PRSS12: variants seen among roughly 807,000 people sequenced by gnomAD.
The protein encoded by PRSS12 is neurotrypsin.
A neutral mutation model predicts 104.4 loss-of-function variants in PRSS12; 85 were observed. The ratio of observed to expected loss-of-function variants is 0.81; its 90% CI spans 0.68 to 0.98. The LOEUF is 0.98. Ranked by LOEUF, PRSS12 falls within the 50% of genes least tolerant of loss-of-function variation. PRSS12 has a pLI of 0.00. For missense variants in PRSS12, 1,141 were observed against 1,139.2 expected, an observed-to-expected ratio of 1.00 and a Z score of -0.02; for synonymous variants, 454 against 425.2, an observed-to-expected ratio of 1.07 and a Z score of -0.83.
Position 118,352,517 on chromosome 4 carries a change from G to T in PRSS12, c.204C>A (p.Pro68=). The change falls in exon 1 of 13, where the codon CCC becomes CCA. Residue 68 remains proline (P), a synonymous_variant. Coordinates refer to ENST00000296498, the MANE Select transcript of PRSS12 (RefSeq NM_003619.4). ...PPPPLPRFPR[P]PRALPAQRPH... is the part of the protein sequence containing the mutation. ...GGCGCTGGGCAGGGAGCGCCCGCGG[G>T]GGGCGCGGGAAGCGCGGGAGAGGCG... 3 of 1,458,506 alleles carry T rather than the reference G, an allele frequency of 2.1e-6. No individual in the cohort carries two copies. The highest frequency in any genetic ancestry group is 1.8e-6 in the Non-Finnish European group (2 of 1,101,910). The allele number at this position is 1,458,506 out of a possible 1,614,324, so 90.3% of individuals were successfully genotyped here. A position where few individuals can be genotyped will look rare whatever the true frequency, so the allele number is the denominator to read the frequency against.
At chr4:118,317,674 A>G (rs1003909816) in intron 5 of PRSS12, among the ~76,000 whole-genome samples, 1 of 152,222 alleles carries the variant, frequency 6.6e-6, no homozygotes, top group Non-Finnish European at 1.5e-5. Context: ...AAGTATGTGA[A>G]GAGAATGATA....
Position 118,352,495 on chromosome 4 carries a change from G to A in PRSS12, c.226C>T (p.Arg76Cys). 7.2e-7 allele frequency: 1 copy of A among 1,381,644 alleles called. No homozygotes were observed. Among genetic ancestry groups the A allele is most frequent in the South Asian group, 1.7e-5 (1 of 57,576 alleles). 85.6% of individuals were successfully genotyped at this position (1,381,644 alleles called of 1,614,324 possible). ...TGCCCGGCCTGGAGGGCGTGCGGGC[G>A]CTGGGCAGGGAGCGCCCGCGGGGGG... ...PRPPRALPAQ[R>C]PHALQAGHTP... Residue 76 changes from arginine to cysteine, a missense_variant, in exon 1 of 13, where the codon CGC becomes TGC. Arg to Cys is a radical substitution (Grantham distance 180). Transcript: ENST00000296498.
chr4:118,285,950 G>C (rs1050905696), intron 11 of PRSS12, among the ~76,000 whole-genome samples: 1 of 151,952 alleles, frequency 6.6e-6, no homozygotes, highest in Non-Finnish European at 1.5e-5. Flanking sequence ...AATCTATTCC[G>C]CATTATCTAT....
intron 6 of PRSS12, among the ~76,000 whole-genome samples, chr4:118,315,326 A>G (rs1304015031): frequency 1.3e-5 from 2 of 152,098 alleles, no homozygotes; most frequent in Non-Finnish European, 2.9e-5. Flanking sequence ...GGAGTTTTTT[A>G]TTTTCATCAT....
chr4:118,310,881 T>C (rs1323634063), intron 7 of PRSS12, among the ~76,000 whole-genome samples: 1 of 152,122 alleles, frequency 6.6e-6, no homozygotes, highest in Non-Finnish European at 1.5e-5. Flanking sequence ...CAAAACTCCA[T>C]CTGTACTAAA....
chr4:118,340,170 T>C (rs559949483), intron 1 of PRSS12, among the ~76,000 whole-genome samples: 13 of 152,282 alleles, frequency 8.5e-5, no homozygotes, highest in Admixed American at 7.2e-4. Context: ...AACAATATAA[T>C]AGCAATGATA....
rs145947952 is a variant in PRSS12 at position 118,348,500 on chromosome 4, C to A, written c.502+3719G>T. Among the ~76,000 whole-genome samples, 276 of 152,282 alleles carry A rather than the reference C, an allele frequency of 1.8e-3. 1 individual carries two copies. In the Middle Eastern group the frequency reaches 0.02, roughly 11 times the overall value. On this transcript the variant is annotated intron_variant, in intron 1 of 12. Coordinates refer to ENST00000296498, the MANE Select transcript of PRSS12 (RefSeq NM_003619.4). ...TCACTTTGACTGCTCAATAGAAATGCATGTTCCATTCCTGATCCAGAACTG... is the reference window on the plus strand; with the variant it reads ...TCACTTTGACTGCTCAATAGAAATGAATGTTCCATTCCTGATCCAGAACTG...
In PRSS12 at chr4:118,283,032, T is replaced by C. The variant is rs754624987; in HGVS notation, c.2119A>G (p.Ile707Val). The change falls in exon 12 of 13, where the codon ATT (isoleucine) becomes GTT (valine). Residue 707 changes from isoleucine (I) to valine (V), a missense_variant. Ile to Val is a conservative substitution (Grantham distance 29, BLOSUM62 3). Transcript: ENST00000296498. ...TGAATCACAATCTGTTGAACTCCAA[T>C]TTCTTCCTCAAACTCCTCTGGTACC... ...TLVPEEFEEE[I>V]GVQQIVIHRE... The C allele has an allele frequency of 9.3e-6, 15 of 1,614,036 alleles. No homozygotes were observed. The highest frequency in any genetic ancestry group is 1.2e-5 in the Non-Finnish European group (14 of 1,180,030).
intron 9 of PRSS12, 35 bp from the exon 10 acceptor site, chr4:118,295,891 CA>C: frequency 6.4e-7 from 1 of 1,560,154 alleles, no homozygotes; most frequent in Non-Finnish European, 8.8e-7. Context: ...TAAACTATCA[CA>C]TTGCTGACAG....
At chr4:118,311,617 A>G (rs1237341579) in intron 7 of PRSS12, among the ~76,000 whole-genome samples, 1 of 152,192 alleles carries the variant, frequency 6.6e-6, no homozygotes, top group Non-Finnish European at 1.5e-5. Flanking sequence ...CTCAGATATA[A>G]TGTTCTTCAG....
intron 4 of PRSS12, among the ~76,000 whole-genome samples, chr4:118,320,702 G>A (rs560622256): frequency 1.6e-4 from 24 of 152,182 alleles, no homozygotes; most frequent in Non-Finnish European, 1.6e-4. Context: ...GCAATGACCC[G>A]TGATCATGCC....
intron 8 of PRSS12, among the ~76,000 whole-genome samples, chr4:118,300,665 A>C (rs1040352374): frequency 6.6e-6 from 1 of 152,184 alleles, no homozygotes; most frequent in East Asian, 1.9e-4. Context: ...AAAATTGATA[A>C]ACTTAAAAAT....
rs759607365 is a variant in PRSS12, at chr4:118,308,574, A to C, written c.1493T>G (p.Phe498Cys). ...TTCTCCATCCATCAGTCTGACAGGA[A>C]AACCTAAGTCATGATTCAAAAGTAT... ...GGEGHRLSLG[F>C]PVRLMDGENK... The change falls in exon 8 of 13, where the codon TTT (phenylalanine) becomes TGT (cysteine). Residue 498 changes from phenylalanine to cysteine, a missense_variant. Physicochemically the swap from Phe to Cys is radical, Grantham distance 205. Transcript: ENST00000296498. The C allele has an allele frequency of 3.0e-5, 49 of 1,613,852 alleles. No homozygotes were observed. Among genetic ancestry groups the C allele is most frequent in the Admixed American group, 5.0e-5 (3 of 59,990 alleles).
At chr4:118,347,190 C>T (rs903722496) in intron 1 of PRSS12, among the ~76,000 whole-genome samples, 1 of 152,152 alleles carries the variant, frequency 6.6e-6, no homozygotes, top group African/African-American at 2.4e-5. Context: ...TTAAAATCAA[C>T]CAGGAAATGT....
chr4:118,343,380 G>C (rs1269116419), intron 1 of PRSS12, among the ~76,000 whole-genome samples: 1 of 152,052 alleles, frequency 6.6e-6, no homozygotes, highest in African/African-American at 2.4e-5. Context: ...AGGTGACAGA[G>C]CAAGACCCTG....
At chr4:118,318,642 A>T in intron 4 of PRSS12, 86 bp from the exon 5 acceptor site, 2 of 1,301,660 alleles carry the variant, frequency 1.5e-6, no homozygotes, top group Non-Finnish European at 2.2e-6. Flanking sequence ...TAAAAGCATT[A>T]TTATTAATCC....
intron 12 of PRSS12, 54 bp downstream of exon 12, chr4:118,282,777 T>C (rs1236308707): frequency 1.9e-6 from 3 of 1,609,842 alleles, no homozygotes; most frequent in East Asian, 2.2e-5. Flanking sequence ...CACCCAAATA[T>C]ATGGATAATA....
In PRSS12 at chr4:118,352,801, G is replaced by T; in HGVS notation, c.-81C>A. 6.4e-7 allele frequency: 1 copy of T among 1,567,982 alleles called. No individual in the cohort carries two copies. Among genetic ancestry groups the T allele is most frequent in the Non-Finnish European group, 8.6e-7 (1 of 1,161,394 alleles). ...GAGAAGAGGAGGGGGCGGGGGCGGG[G>T]CTGCCGCGTCCCTCGAATCCCCCAG... On this transcript the variant is annotated 5_prime_UTR_variant, in exon 1 of 13. Transcript: ENST00000296498.
In PRSS12 at chr4:118,308,449, G is replaced by T; in HGVS notation, c.1618C>A (p.Gln540Lys). The T allele has an allele frequency of 6.2e-7, 1 of 1,614,018 alleles. No individual in the cohort carries two copies. Among genetic ancestry groups the T allele is most frequent in the South Asian group, 1.1e-5 (1 of 91,086 alleles). Residue 540 changes from glutamine (Q) to lysine (K), a missense_variant, in exon 8 of 13, where the codon CAG becomes AAG. Physicochemically the swap from Gln to Lys is moderately conservative, Grantham distance 53. Transcript: ENST00000296498. ...TDKDAAVICR[Q>K]LGYKGPARAR... ...GGTTTTCCTTACTTGTAGCCAAGCT[G>T]ACGACAGATCACAGCTGCATCCTTA...
Sources: allele counts gnomAD v4.1 joint callset (sites outside exome capture counted in the v4.1 genomes callset), GRCh38; gene constraint gnomAD v4.1.1; transcripts MANE v1.5; gene names NCBI Gene and HGNC (gene_info 2026-07-23, HGNC 2026-07-21).